The following APOOL variants were observed in gnomAD, a reference collection of about 807,000 sequenced individuals.
The protein encoded by APOOL is MICOS complex subunit MIC27.
APOOL carries 12 observed loss-of-function variants against 23.1 expected under a neutral mutation model. That is an observed-to-expected ratio of 0.52 (90% CI 0.33 to 0.84). APOOL has a LOEUF of 0.84. Ranked by LOEUF, APOOL falls within the 40% of genes least tolerant of loss-of-function variation. The pLI is 0.02. For synonymous variants in APOOL, 77 were observed against 69.9 expected (o/e 1.10, Z -0.51); for missense variants, 212 against 199.6 (o/e 1.06, Z -0.37).
chrX:85,054,193 G>C (rs1922875097), intron 3 of APOOL, 151 bp from the exon 4 acceptor site: 1 of 465,376 alleles, frequency 2.1e-6, no homozygotes, highest in Admixed American at 4.7e-5. Context: ...ATGAAAACAA[G>C]CTGGTAGTGA....
intron 5 of APOOL, among the ~76,000 whole-genome samples, chrX:85,062,420 G>A (rs1385824493): frequency 9.0e-6 from 1 of 111,326 alleles, no homozygotes; most frequent in Non-Finnish European, 1.9e-5. Flanking sequence ...TGGTTTTGGT[G>A]ATTTCATGAT....
At chrX:85,024,736 G>C (rs1921782286) in intron 1 of APOOL, among the ~76,000 whole-genome samples, 1 of 112,669 alleles carries the variant, frequency 8.9e-6, no homozygotes, top group African/African-American at 3.2e-5. Context: ...GCCAGCAGCC[G>C]TCTTTTCTGA....
Position 85,019,791 on chromosome X carries a change from AG to A in APOOL, c.15+15865del, listed in dbSNP as rs772191203. 7.1e-5 allele frequency among the ~76,000 whole-genome samples: 8 copies of A among 112,270 alleles called. No individual in the cohort carries two copies. The East Asian group carries it at 2.2e-3, about 32-fold the overall frequency. On this transcript the variant is annotated intron_variant, in intron 1 of 8. Coordinates refer to ENST00000373173, the MANE Select transcript of APOOL (RefSeq NM_198450.6). ...TGGGGAAGGGATATAACAGTAACAC[AG>A]ATCCAGCAGTGACAGGACCAAGAAG... is the stretch of plus-strand genomic sequence containing the variant.
chrX:85,039,712 A>G (rs571713775), intron 1 of APOOL, among the ~76,000 whole-genome samples: 3 of 111,439 alleles, frequency 2.7e-5, no homozygotes, highest in East Asian at 5.6e-4. Flanking sequence ...GTGAAATTAG[A>G]TTAGCATCCC....
chrX:85,051,501 G>C lies in APOOL; in HGVS notation c.233G>C (p.Trp78Ser), dbSNP rs1451692933. The C allele has an allele frequency of 9.9e-6, 12 of 1,209,419 alleles. No homozygotes were observed. Among genetic ancestry groups the C allele is most frequent in the Non-Finnish European group, 1.3e-5 (12 of 894,866 alleles). ...IRTATGCYIG[W>S]CKGVYVFVKN... ...ACTGCAACTGGTTGTTACATTGGCTGGTGCAAGGTAAGTCAATTCTGATAG... is the reference window on the plus strand; with the variant it reads ...ACTGCAACTGGTTGTTACATTGGCTCGTGCAAGGTAAGTCAATTCTGATAG... The change falls in exon 3 of 9, where the codon TGG (tryptophan) becomes TCG (serine). Residue 78 changes from tryptophan (W) to serine (S), a missense_variant. Transcript: ENST00000373173.
chrX:85,055,946 T>A (rs1400680310), intron 5 of APOOL, 21 bp downstream of exon 5: 2 of 1,106,596 alleles, frequency 1.8e-6, no homozygotes, highest in Admixed American at 5.2e-5. Flanking sequence ...AAAAAATATA[T>A]TCTCTCTTAA....
intron 1 of APOOL, among the ~76,000 whole-genome samples, chrX:85,043,679 C>G (rs151247462): frequency 4.5e-5 from 5 of 110,746 alleles, no homozygotes; most frequent in Non-Finnish European, 9.4e-5. Context: ...TTGTAGATAC[C>G]CTAGTGTGCC....
At chrX:85,023,145 C>G (rs1921727380) in intron 1 of APOOL, among the ~76,000 whole-genome samples, 1 of 111,661 alleles carries the variant, frequency 9.0e-6, no homozygotes. Context: ...GACTAAGACC[C>G]TGTTTGAAAC....
chrX:85,032,514 C>CA (rs147357908), intron 1 of APOOL, among the ~76,000 whole-genome samples: 1,454 of 66,436 alleles, frequency 0.022, 24 homozygotes, highest in African/African-American at 0.071. Context: ...AATTCCTTCT[C>CA]AAAAAAAAAA....
chrX:85,022,336 A>G (rs1447955961), intron 1 of APOOL, among the ~76,000 whole-genome samples: 1 of 112,268 alleles, frequency 8.9e-6, no homozygotes, highest in Non-Finnish European at 1.9e-5. Context: ...AAAAGTCTTC[A>G]ACAAAATACT....
At chrX:85,087,270 C>CT (rs1240149799) in intron 8 of APOOL, among the ~76,000 whole-genome samples, 1 of 111,125 alleles carries the variant, frequency 9.0e-6, no homozygotes, top group Non-Finnish European at 1.9e-5. Context: ...GCATTGCCTG[C>CT]TGGTATCTAT....
chrX:85,092,643 C>T lies in APOOL; in HGVS notation c.*4965C>T. Reference sequence around the variant, plus strand: ...ACACATATATTTTATTGAAGGTCTACTCTATGCAAGACACTATGTGTGAAT... The same window carrying T: ...ACACATATATTTTATTGAAGGTCTATTCTATGCAAGACACTATGTGTGAAT... On this transcript the variant is annotated 3_prime_UTR_variant, in exon 9 of 9. Transcript: ENST00000373173. 1 of 897,843 alleles carries T rather than the reference C, an allele frequency of 1.1e-6. No homozygotes were observed. Among genetic ancestry groups the T allele is most frequent in the African/African-American group, 2.0e-5 (1 of 50,939 alleles). The allele number at this position is 897,843 out of a possible 1,213,427, so 74.0% of individuals were successfully genotyped here.
intron 8 of APOOL, among the ~76,000 whole-genome samples, chrX:85,082,845 C>T (rs1924159942): frequency 2.7e-5 from 3 of 111,748 alleles, no homozygotes; most frequent in Admixed American, 1.9e-4. Context: ...ATTCATGTCC[C>T]CCTCATGGTA....
chrX:85,086,882 G>A (rs996635864), intron 8 of APOOL, among the ~76,000 whole-genome samples: 32 of 101,330 alleles, frequency 3.2e-4, no homozygotes, highest in African/African-American at 1.1e-3. Context: ...TGTATTTTTA[G>A]TAGAAACGGG....
At chrX:85,046,585 A>G in intron 2 of APOOL, 35 bp downstream of exon 2, 1 of 1,051,248 alleles carries the variant, frequency 9.5e-7, no homozygotes, top group Non-Finnish European at 1.3e-6. Flanking sequence ...AACTTTGTAT[A>G]ATATCAAGAT....
At chrX:85,014,559 A>C (rs1163539696) in intron 1 of APOOL, among the ~76,000 whole-genome samples, 57 of 54,985 alleles carry the variant, frequency 1.0e-3, no homozygotes, top group African/African-American at 3.0e-3. Context: ...AAACGACTTT[A>C]TCTCTCCTTT....
At chrX:85,074,203 A>G (rs976243057) in intron 7 of APOOL, 71 bp from the exon 8 acceptor site, 6 of 1,178,985 alleles carry the variant, frequency 5.1e-6, no homozygotes, top group Non-Finnish European at 5.7e-6. Context: ...GGTCGAGGAT[A>G]AAATGAGAAA....
Position 85,074,399 on chromosome X carries a change from G to A in APOOL, c.718+8G>A, listed in dbSNP as rs370525604. On this transcript the variant is annotated splice_region_variant and intron_variant, in intron 8 of 8. Transcript: ENST00000373173. ...AATCAGAATCCACTTCAGGTTTGTT[G>A]GGTATAAGTCAATTTTGTTTTCATT... 2.2e-5 allele frequency: 27 copies of A among 1,206,590 alleles called. No homozygotes were observed. In the African/African-American group the frequency reaches 3.7e-4, roughly 16 times the overall value.
chrX:85,055,194 A>G (rs1922918915), intron 4 of APOOL, among the ~76,000 whole-genome samples: 1 of 111,911 alleles, frequency 8.9e-6, no homozygotes, highest in Non-Finnish European at 1.9e-5. Context: ...AGGATTAAAT[A>G]TGTGATTGCC....
Sources: allele counts gnomAD v4.1 joint callset (sites outside exome capture counted in the v4.1 genomes callset), GRCh38; gene constraint gnomAD v4.1.1; transcripts MANE v1.5; gene names NCBI Gene and HGNC (gene_info 2026-07-23, HGNC 2026-07-21).